The following ZFP41 variants were observed in gnomAD, a reference collection of about 807,000 sequenced individuals.
ZFP41 encodes zinc finger protein 41 homolog.
In ZFP41, 10 loss-of-function variants were observed where a neutral mutation model predicts 11.6. That is an observed-to-expected ratio of 0.86 (90% CI 0.53 to 1.47). The LOEUF (loss-of-function observed/expected upper bound fraction) is 1.47, where lower values mean the gene tolerates loss of function less well. Among genes scored for constraint, ZFP41 ranks in the 40% most tolerant of loss-of-function variants. The pLI, the probability that ZFP41 is intolerant of heterozygous loss-of-function variation, is 0.00. For missense variants in ZFP41, 302 were observed against 264.6 expected, an observed-to-expected ratio of 1.14 and a Z score of -0.98; for synonymous variants, 123 against 100.9, an observed-to-expected ratio of 1.22 and a Z score of -1.31.
intron 2 of ZFP41, among the ~76,000 whole-genome samples, chr8:143,258,214 G>A (rs147395218): frequency 2.3e-4 from 35 of 151,984 alleles, no homozygotes; most frequent in African/African-American, 7.2e-4. Flanking sequence ...CCATATACTC[G>A]GGAGGCTAAG....
At position 143,249,785 on chromosome 8, in the gene ZFP41, G is replaced by T; in HGVS notation, c.-59G>T. The T allele has an allele frequency of 6.6e-7, 1 of 1,516,326 alleles. No homozygotes were observed. Among genetic ancestry groups the T allele is most frequent in the Non-Finnish European group, 8.8e-7 (1 of 1,137,206 alleles). The allele number at this position is 1,516,326 out of a possible 1,614,324, so 93.9% of individuals were successfully genotyped here. On this transcript the variant is annotated 5_prime_UTR_variant, in exon 2 of 3. Transcript: ENST00000330701. ...GCGTGGGAAGCAAGCCATTGAGGAA[G>T]TGGGGCCAACAGAGAGGTCAGCAGC...
intron 2 of ZFP41, among the ~76,000 whole-genome samples, chr8:143,259,521 CAG>C (rs973871343): frequency 1.8e-4 from 27 of 152,282 alleles, no homozygotes; most frequent in Middle Eastern, 6.8e-3. Context: ...TTTTAGAAAA[CAG>C]GGAGCACTTC....
At chr8:143,255,381 G>A (rs545040012) in intron 2 of ZFP41, among the ~76,000 whole-genome samples, 3 of 152,360 alleles carry the variant, frequency 2.0e-5, no homozygotes, top group East Asian at 1.9e-4. Context: ...CTGTGTGACC[G>A]TGTCAGCTCG....
At chr8:143,248,670 T>C (rs148089569) in intron 1 of ZFP41, among the ~76,000 whole-genome samples, 789 of 142,130 alleles carry the variant, frequency 5.6e-3, no homozygotes, top group Non-Finnish European at 8.6e-3. Context: ...TGTGATCCTC[T>C]ATCCTGGGCA....
intron 2 of ZFP41, among the ~76,000 whole-genome samples, chr8:143,253,871 GT>G (rs145648113): frequency 6.6e-6 from 1 of 152,174 alleles, no homozygotes; most frequent in South Asian, 2.1e-4. Flanking sequence ...CCTGGGACCA[GT>G]TTTTTCCGTG....
intron 2 of ZFP41, among the ~76,000 whole-genome samples, chr8:143,256,381 G>A (rs1031675670): frequency 2.0e-5 from 3 of 146,468 alleles, no homozygotes; most frequent in Non-Finnish European, 4.5e-5. Flanking sequence ...CTCGCCCCGC[G>A]TGCTGGAGTT....
In ZFP41 at chr8:143,250,129, T is replaced by G. The variant is rs1816772138; in HGVS notation, c.286T>G (p.Phe96Val). The G allele has an allele frequency of 3.1e-6, 5 of 1,614,184 alleles. No individual in the cohort carries two copies. The highest frequency in any genetic ancestry group is 4.2e-6 in the Non-Finnish European group (5 of 1,180,036). The change falls in exon 2 of 3, where the codon TTT (phenylalanine) becomes GTT (valine). Residue 96 changes from phenylalanine (F) to valine (V), a missense_variant. Phe to Val is a conservative substitution (Grantham distance 50, BLOSUM62 -1). Coordinates refer to ENST00000330701, the MANE Select transcript of ZFP41 (RefSeq NM_173832.6). ...TGAGTGCAGTGAGTGTGGGCGGATC[T>G]TTAAGCACAAGACAGACCACATTCG... ...PYECSECGRI[F>V]KHKTDHIRHQ...
At position 143,247,086 on chromosome 8, in the gene ZFP41, C is replaced by G. The variant is rs1275640327; in HGVS notation, c.-211C>G. 6.6e-6 allele frequency: 1 copy of G among 152,432 alleles called. No homozygotes were observed. The highest frequency in any genetic ancestry group is 2.4e-5 in the African/African-American group (1 of 41,462). 9.4% of individuals were successfully genotyped at this position (152,432 alleles called of 1,614,324 possible). ...CGCCCTCCAGCAGTCCTGGTAGGGC[C>G]CGGGCGCGTCCGCGCTCTGCAGCGG... On this transcript the variant is annotated 5_prime_UTR_variant, in exon 1 of 3. Transcript: ENST00000330701.
At position 143,250,100 on chromosome 8, in the gene ZFP41, C is replaced by T. The variant is rs533783816; in HGVS notation, c.257C>T (p.Pro86Leu). Residue 86 changes from proline (P) to leucine (L), a missense_variant, in exon 2 of 3, where the codon CCC becomes CTC. Pro to Leu is a moderately conservative substitution (Grantham distance 98). Coordinates refer to ENST00000330701, the MANE Select transcript of ZFP41 (RefSeq NM_173832.6). ...TTCATTCCTTTTCAGAGGAAGAAACCCTATGAGTGCAGTGAGTGTGGGCGG... is the reference window on the plus strand; with the variant it reads ...TTCATTCCTTTTCAGAGGAAGAAACTCTATGAGTGCAGTGAGTGTGGGCGG... Reference protein sequence around the residue: ...PVFIPFQRKKPYECSECGRIF... With the variant: ...PVFIPFQRKKLYECSECGRIF... 3.7e-5 allele frequency: 60 copies of T among 1,614,108 alleles called. No individual in the cohort carries two copies. In the South Asian group the frequency reaches 4.6e-4, roughly 12 times the overall value.
rs1446622651 is a variant in ZFP41 at position 143,262,326 on chromosome 8, T to C, written c.*3452T>C. On this transcript the variant is annotated 3_prime_UTR_variant, in exon 3 of 3. Transcript: ENST00000330701. ...AACACTCACATTCCCCAGGCATGCA[T>C]GTGCAGCCGCCGCCGCCACCCATGT... 6.5e-6 allele frequency: 1 copy of C among 153,654 alleles called. No homozygotes were observed. Among genetic ancestry groups the C allele is most frequent in the Non-Finnish European group, 1.4e-5 (1 of 69,044 alleles). The allele number at this position is 153,654 out of a possible 1,614,324, so 9.5% of individuals were successfully genotyped here.
chr8:143,249,936 CG>C lies in ZFP41; in HGVS notation c.97del (p.Asp33ThrfsTer20). 3.1e-6 allele frequency: 5 copies of C among 1,613,884 alleles called. No individual in the cohort carries two copies. The highest frequency in any genetic ancestry group is 1.6e-4 in the Middle Eastern group (1 of 6,062). ...KSALREEKVS[G>X]DRKPPERPTV... ...GTGCGCTCAGAGAGGAGAAGGTGTC[CG>C]GGGACAGAAAGCCACCTGAGAGGCC... On this transcript the variant is annotated frameshift_variant, in exon 2 of 3. Transcript: ENST00000330701. LOFTEE classifies it high-confidence loss of function.
chr8:143,254,085 C>T (rs986802522), intron 2 of ZFP41, among the ~76,000 whole-genome samples: 2 of 152,204 alleles, frequency 1.3e-5, no homozygotes, highest in African/African-American at 4.8e-5. Flanking sequence ...TGCCACCCAC[C>T]TCCTGCTGTG....
At chr8:143,257,590 T>C (rs1238495268) in intron 2 of ZFP41, among the ~76,000 whole-genome samples, 2 of 152,222 alleles carry the variant, frequency 1.3e-5, no homozygotes, top group Non-Finnish European at 2.9e-5. Context: ...AGCTAAGAGT[T>C]GGTTCTTTGA....
At chr8:143,247,458 T>G (rs1378474495) in intron 1 of ZFP41, 1 of 152,318 alleles carries the variant, frequency 6.6e-6, no homozygotes, top group Non-Finnish European at 1.5e-5. Context: ...GCTGTTTTAG[T>G]GCAGATTGCC....
chr8:143,257,644 A>AAAAG (rs1563729560), intron 2 of ZFP41, among the ~76,000 whole-genome samples: 1 of 152,230 alleles, frequency 6.6e-6, no homozygotes, highest in Non-Finnish European at 1.5e-5. Context: ...TGACTAAGAA[A>AAAAG]AAAGGAGCAA....
At chr8:143,251,630 A>T (rs1814759384) in intron 2 of ZFP41, among the ~76,000 whole-genome samples, 1 of 152,182 alleles carries the variant, frequency 6.6e-6, no homozygotes, top group South Asian at 2.1e-4. Context: ...CGAGCTGGAG[A>T]TGGCCTTGGC....
rs1815037535 is a variant in ZFP41 at position 143,261,531 on chromosome 8, T to A, written c.*2657T>A. On this transcript the variant is annotated 3_prime_UTR_variant, in exon 3 of 3. Coordinates refer to ENST00000330701, the MANE Select transcript of ZFP41 (RefSeq NM_173832.6). Reference sequence around the variant, plus strand: ...CGCTTACAGAGCCTGGTGTTGGCACTCTCCTGGCTTCCTCCGCAAACCTAG... The same window carrying A: ...CGCTTACAGAGCCTGGTGTTGGCACACTCCTGGCTTCCTCCGCAAACCTAG... 1 of 152,602 alleles carries A rather than the reference T, an allele frequency of 6.6e-6. No individual in the cohort carries two copies. The highest frequency in any genetic ancestry group is 2.4e-5 in the African/African-American group (1 of 41,368). 9.5% of individuals were successfully genotyped at this position (152,602 alleles called of 1,614,324 possible).
chr8:143,256,150 T>A (rs1294548658), intron 2 of ZFP41, among the ~76,000 whole-genome samples: 4 of 88,752 alleles, frequency 4.5e-5, no homozygotes, highest in East Asian at 7.5e-4. Flanking sequence ...CGCGTGCTGG[T>A]GTTAGTGAGA....
intron 1 of ZFP41, chr8:143,247,523 A>G (rs1160953385): frequency 1.3e-5 from 2 of 152,266 alleles, no homozygotes; most frequent in Non-Finnish European, 2.9e-5. Flanking sequence ...CAGATCCCTG[A>G]AAGTAGTGGA....
Sources: gnomAD v4.1 joint callset for allele counts (sites outside exome capture counted in the v4.1 genomes callset) on GRCh38, gnomAD v4.1.1 for gene constraint, MANE v1.5 for transcripts, NCBI Gene and HGNC (gene_info 2026-07-23, HGNC 2026-07-21) for gene names.